PDE11A: variants seen among roughly 807,000 people sequenced by gnomAD.
The protein encoded by PDE11A is dual 3',5'-cyclic-AMP and -GMP phosphodiesterase 11A.
Under a neutral mutation model 100.5 loss-of-function variants are expected in PDE11A, and 100 were observed. The observed-to-expected ratio is 1.00, with a 90% confidence interval of 0.85 to 1.18. The LOEUF is 1.18. Among genes scored for constraint, PDE11A ranks in the 50% most tolerant of loss-of-function variants. The probability of loss-of-function intolerance (pLI) is 0.00; values close to 1 mark genes in which losing one functional copy is unlikely to be tolerated. For synonymous variants in PDE11A, 381 were observed against 420.8 expected (o/e 0.91, Z 1.16); for missense variants, 1,141 against 1,152.6 (o/e 0.99, Z 0.15).
intron 19 of PDE11A, among the ~76,000 whole-genome samples, chr2:177,654,330 G>C (rs1053187265): frequency 3.3e-5 from 5 of 152,144 alleles, no homozygotes; most frequent in African/African-American, 1.2e-4. Context: ...GACCAGCTTG[G>C]GCAATGTGGT....
intron 6 of PDE11A, among the ~76,000 whole-genome samples, chr2:177,836,308 C>A (rs2083396769): frequency 6.6e-6 from 1 of 152,164 alleles, no homozygotes; most frequent in Non-Finnish European, 1.5e-5. Flanking sequence ...ATTGTAAATA[C>A]ACCAATCAGC....
chr2:177,786,325 G>A (rs1397082661), intron 9 of PDE11A, among the ~76,000 whole-genome samples: 1 of 152,130 alleles, frequency 6.6e-6, no homozygotes, highest in Non-Finnish European at 1.5e-5. Context: ...GCAGCTGAGG[G>A]TCCTGTCTGT....
intron 2 of PDE11A, among the ~76,000 whole-genome samples, chr2:177,966,919 T>C (rs1210867667): frequency 6.6e-6 from 1 of 152,150 alleles, no homozygotes; most frequent in East Asian, 1.9e-4. Context: ...AATAGTTTCA[T>C]AGAATTGGTG....
At chr2:178,030,469 T>C (rs1201337649) in intron 1 of PDE11A, among the ~76,000 whole-genome samples, 1 of 152,136 alleles carries the variant, frequency 6.6e-6, no homozygotes, top group Non-Finnish European at 1.5e-5. Context: ...CATCATGGCA[T>C]TGGGCAATTC....
intron 2 of PDE11A, among the ~76,000 whole-genome samples, chr2:177,939,270 T>C (rs1006946067): frequency 6.6e-6 from 1 of 150,656 alleles, no homozygotes. Context: ...GGCAGAGGCA[T>C]ACTACACTAC....
At position 177,775,197 on chromosome 2, in the gene PDE11A, G is replaced by A. The variant is rs148171288; in HGVS notation, c.1738-5824C>T. Among the ~76,000 whole-genome samples the A allele has an allele frequency of 6.5e-3, 993 of 152,270 alleles. 15 individuals are homozygous for A. The highest frequency in any genetic ancestry group is 0.022 in the African/African-American group (933 of 41,548). On this transcript the variant is annotated intron_variant, in intron 9 of 19. Coordinates refer to ENST00000286063, the MANE Select transcript of PDE11A (RefSeq NM_016953.4). ...AAGACCCATTTCAGACATCTGACCT[G>A]AGGATTGTAAGATAATAAGTATGTG... is the stretch of plus-strand genomic sequence containing the variant.
intron 2 of PDE11A, among the ~76,000 whole-genome samples, chr2:177,945,011 G>A (rs1017474469): frequency 8.7e-5 from 13 of 149,420 alleles, no homozygotes; most frequent in Admixed American, 2.0e-4. Flanking sequence ...TGGTGGAGAC[G>A]GGGTTTCGCT....
intron 9 of PDE11A, among the ~76,000 whole-genome samples, chr2:177,795,646 C>G (rs370571574): frequency 6.6e-6 from 1 of 152,028 alleles, no homozygotes; most frequent in East Asian, 1.9e-4. Flanking sequence ...TTGAAGATAA[C>G]CCCAAGCAGG....
chr2:178,055,374 G>T (rs544242352), intron 1 of PDE11A, among the ~76,000 whole-genome samples: 54 of 152,086 alleles, frequency 3.6e-4, no homozygotes, highest in Non-Finnish European at 6.8e-4. Flanking sequence ...AGGAGGGATA[G>T]CATTAGGAGA....
At chr2:177,629,662 A>G in intron 19 of PDE11A, 100 bp from the exon 20 acceptor site, 1 of 1,216,988 alleles carries the variant, frequency 8.2e-7, no homozygotes, top group Admixed American at 1.7e-5. Flanking sequence ...GAAACTGGCT[A>G]TAGGAAATGA....
chr2:178,042,841 TA>T (rs2086701448), intron 1 of PDE11A, among the ~76,000 whole-genome samples: 1 of 152,080 alleles, frequency 6.6e-6, no homozygotes. Context: ...ACCCTACACT[TA>T]GGGGCAAGAG....
intron 1 of PDE11A, among the ~76,000 whole-genome samples, chr2:178,052,970 T>C (rs2086848063): frequency 3.3e-5 from 5 of 152,176 alleles, no homozygotes; most frequent in Non-Finnish European, 7.4e-5. Flanking sequence ...TCTGAAACTA[T>C]TCCAATCAAT....
intron 10 of PDE11A, among the ~76,000 whole-genome samples, chr2:177,749,581 A>G (rs2105475290): frequency 6.6e-6 from 1 of 152,208 alleles, no homozygotes; most frequent in African/African-American, 2.4e-5. Context: ...TCGGTGGGCC[A>G]TACTCCAGCC....
chr2:177,700,516 T>C (rs932339025), intron 14 of PDE11A, among the ~76,000 whole-genome samples: 6 of 152,098 alleles, frequency 3.9e-5, no homozygotes, highest in African/African-American at 1.4e-4. Context: ...TTTTTCTCTG[T>C]GGAGAGCTAA....
chr2:178,032,539 C>A (rs1370903067), intron 1 of PDE11A, among the ~76,000 whole-genome samples: 7 of 152,026 alleles, frequency 4.6e-5, no homozygotes, highest in Non-Finnish European at 1.0e-4. Context: ...CAACAGTACA[C>A]CAGCTCTGCT....
chr2:177,799,719 C>T (rs2082758489), intron 9 of PDE11A, among the ~76,000 whole-genome samples: 1 of 152,168 alleles, frequency 6.6e-6, no homozygotes, highest in Non-Finnish European at 1.5e-5. Flanking sequence ...GATGGGAAGG[C>T]ATTGTTCTGA....
chr2:177,937,907 A>T (rs2085296641), intron 2 of PDE11A, among the ~76,000 whole-genome samples: 1 of 152,208 alleles, frequency 6.6e-6, no homozygotes, highest in African/African-American at 2.4e-5. Flanking sequence ...GCCAAAAGAC[A>T]CTGACATAAA....
intron 1 of PDE11A, among the ~76,000 whole-genome samples, chr2:178,035,192 G>A (rs527517418): frequency 6.6e-6 from 1 of 152,006 alleles, no homozygotes; most frequent in East Asian, 1.9e-4. Context: ...TGATAAAGGG[G>A]ATATCACCAC....
chr2:177,676,629 CCT>C (rs1398085031), intron 16 of PDE11A, among the ~76,000 whole-genome samples: 1 of 152,176 alleles, frequency 6.6e-6, no homozygotes, highest in Non-Finnish European at 1.5e-5. Context: ...CATCAGCAGC[CCT>C]CTCAACTCGA....
Sources: allele counts gnomAD v4.1 joint callset (sites outside exome capture counted in the v4.1 genomes callset), GRCh38; gene constraint gnomAD v4.1.1; transcripts MANE v1.5; gene names NCBI Gene and HGNC (gene_info 2026-07-23, HGNC 2026-07-21).